The following PPME1 variants were observed in gnomAD, a reference collection of about 807,000 sequenced individuals.
The protein encoded by PPME1 is testicular secretory protein Li 39.
In PPME1, 17 loss-of-function variants were observed where a neutral mutation model predicts 56.9. The ratio of observed to expected loss-of-function variants is 0.30; its 90% CI spans 0.20 to 0.45. The LOEUF is 0.45. PPME1 is among the 20% of genes least tolerant of loss of function. The pLI, the probability that PPME1 is intolerant of heterozygous loss-of-function variation, is 1.00. For synonymous variants in PPME1, 122 were observed against 156.2 expected, an observed-to-expected ratio of 0.78 and a Z score of 1.63; for missense variants, 357 against 483.2, an observed-to-expected ratio of 0.74 and a Z score of 2.45.
At chr11:74,190,793 T>C (rs1385389159) in intron 1 of PPME1, among the ~76,000 whole-genome samples, 1 of 152,202 alleles carries the variant, frequency 6.6e-6, no homozygotes, top group East Asian at 1.9e-4. Context: ...ACCAAAATGC[T>C]GATAGAAATA....
At chr11:74,235,393 C>T (rs2135666669) in intron 7 of PPME1, among the ~76,000 whole-genome samples, 1 of 152,198 alleles carries the variant, frequency 6.6e-6, no homozygotes, top group East Asian at 1.9e-4. Context: ...GCACCCAGTT[C>T]TCTAAAATCA....
chr11:74,180,800 A>G (rs1306886882), intron 1 of PPME1, among the ~76,000 whole-genome samples: 3 of 152,190 alleles, frequency 2.0e-5, no homozygotes, highest in African/African-American at 7.2e-5. Context: ...CTTATTTTAT[A>G]GTATTCAATT....
intron 1 of PPME1, among the ~76,000 whole-genome samples, chr11:74,192,207 T>C (rs1857858553): frequency 6.6e-6 from 1 of 152,218 alleles, no homozygotes; most frequent in African/African-American, 2.4e-5. Flanking sequence ...TTTTTGGAGC[T>C]TTAAGATTTA....
At chr11:74,246,619 A>G (rs1859511185) in intron 10 of PPME1, among the ~76,000 whole-genome samples, 2 of 152,206 alleles carry the variant, frequency 1.3e-5, no homozygotes, top group Non-Finnish European at 2.9e-5. Flanking sequence ...TCATCTCAAT[A>G]TGACCTCATT....
chr11:74,222,399 T>C, intron 4 of PPME1, 30 bp downstream of exon 4: 3 of 1,547,720 alleles, frequency 1.9e-6, no homozygotes, highest in Non-Finnish European at 2.7e-6. Flanking sequence ...AGCCATTAAC[T>C]GGATTATAGT....
At chr11:74,214,121 T>C (rs1858554850) in intron 3 of PPME1, among the ~76,000 whole-genome samples, 1 of 152,140 alleles carries the variant, frequency 6.6e-6, no homozygotes, top group Non-Finnish European at 1.5e-5. Flanking sequence ...AATTTATCTA[T>C]AGATAAATTT....
In PPME1 at chr11:74,253,689, C is replaced by G; in HGVS notation, c.*179C>G. 2.8e-6 allele frequency: 2 copies of G among 704,136 alleles called. No individual in the cohort carries two copies. The highest frequency in any genetic ancestry group is 4.9e-6 in the Non-Finnish European group (2 of 410,512). The allele number at this position is 704,136 out of a possible 1,614,324, so 43.6% of individuals were successfully genotyped here. ...TGTATTCTGCCAAAAGCATTGTTTT[C>G]CAGGGCCCTTGACCAACATCGGCTT... On this transcript the variant is annotated 3_prime_UTR_variant, in exon 14 of 14. Coordinates refer to ENST00000328257, the MANE Select transcript of PPME1 (RefSeq NM_016147.3).
Position 74,188,870 on chromosome 11 carries a change from C to A in PPME1, c.102-14858C>A, listed in dbSNP as rs548721362. 4.6e-5 allele frequency among the ~76,000 whole-genome samples: 7 copies of A among 152,104 alleles called. No homozygotes were observed. The South Asian group carries it at 1.5e-3, about 32-fold the overall frequency. On this transcript the variant is annotated intron_variant, in intron 1 of 13. Transcript: ENST00000328257. The stretch of plus-strand genomic sequence containing the variant: ...TAATACACCATTAAGGTAATTTGTT[C>A]TCTTTTATGTTAATTGTGGTAATTG...
intron 1 of PPME1, among the ~76,000 whole-genome samples, chr11:74,178,240 C>T (rs773467728): frequency 1.3e-5 from 2 of 152,148 alleles, no homozygotes; most frequent in East Asian, 1.9e-4. Context: ...TAAAAAGAAG[C>T]GGGGGCCAAA....
rs148795025 is a variant in PPME1, at chr11:74,251,605, T to C, written c.1075-43T>C. 332 of 1,603,440 alleles carry C rather than the reference T, an allele frequency of 2.1e-4. No individual in the cohort carries two copies. The African/African-American group carries it at 4.2e-3, about 20-fold the overall frequency. On this transcript the variant is annotated intron_variant, in intron 12 of 13. Transcript: ENST00000328257. ...GCTCACAGCCCAAGGCTAAGCCCCA[T>C]CACTAACCTTTATATGGCCTGGAAT... is the stretch of plus-strand genomic sequence containing the variant.
At chr11:74,207,026 C>CCAATGT (rs1188343659) in intron 3 of PPME1, among the ~76,000 whole-genome samples, 1 of 152,194 alleles carries the variant, frequency 6.6e-6, no homozygotes, top group East Asian at 1.9e-4. Context: ...CCAATGACAG[C>CCAATGT]ATGAAAACTC....
intron 1 of PPME1, among the ~76,000 whole-genome samples, chr11:74,194,015 T>C (rs1857913387): frequency 6.6e-6 from 1 of 152,124 alleles, no homozygotes; most frequent in Admixed American, 6.5e-5. Flanking sequence ...TTGCCTTTGT[T>C]TCTCTTGGGG....
rs188209476 is a variant in PPME1, at chr11:74,197,098, A to G, written c.102-6630A>G. Among the ~76,000 whole-genome samples, 338 of 152,316 alleles carry G rather than the reference A, an allele frequency of 2.2e-3. 1 individual carries two copies. The highest frequency in any genetic ancestry group is 3.4e-3 in the Non-Finnish European group (232 of 68,020). ...TATTTCTGGACTTTTGATTGTATTTAGGTGATCTCTATGTCTGTTCTTATA... is the reference window on the plus strand; with the variant it reads ...TATTTCTGGACTTTTGATTGTATTTGGGTGATCTCTATGTCTGTTCTTATA... On this transcript the variant is annotated intron_variant, in intron 1 of 13. Coordinates refer to ENST00000328257, the MANE Select transcript of PPME1 (RefSeq NM_016147.3).
At position 74,219,185 on chromosome 11, in the gene PPME1, TATC is replaced by T. The variant is rs537731148; in HGVS notation, c.289-3123_289-3121del. On this transcript the variant is annotated intron_variant, in intron 3 of 13. Transcript: ENST00000328257. ...AATGGAAATGAAAACTATAATGAGG[TATC>T]ATCTCACCCCAGTTAAAATGGCTTT... 1.8e-4 allele frequency among the ~76,000 whole-genome samples: 27 copies of T among 152,090 alleles called. No homozygotes were observed. The South Asian group carries it at 5.2e-3, about 29-fold the overall frequency.
intron 1 of PPME1, among the ~76,000 whole-genome samples, chr11:74,173,184 T>C (rs1857325817): frequency 6.6e-6 from 1 of 152,198 alleles, no homozygotes. Flanking sequence ...GACTATAACA[T>C]GAATAAAGAG....
At chr11:74,186,283 A>G (rs1285962901) in intron 1 of PPME1, among the ~76,000 whole-genome samples, 2 of 152,138 alleles carry the variant, frequency 1.3e-5, no homozygotes, top group African/African-American at 4.8e-5. Context: ...CTTAGTCTAT[A>G]TGGTGCTCAA....
At chr11:74,253,386 AG>A (rs1480194666) in intron 13 of PPME1, 105 bp from the exon 14 acceptor site, 3 of 1,176,316 alleles carry the variant, frequency 2.6e-6, no homozygotes, top group Non-Finnish European at 3.7e-6. Flanking sequence ...CAGATTTGCC[AG>A]GGCCTTGGTG....
In PPME1 at chr11:74,242,845, C is replaced by A. The variant is rs1859400999; in HGVS notation, c.835-3231C>A. Reference sequence around the variant, plus strand: ...AGTGAGCCGAGATTGTGCCACTGCACCCCAGCCTGGGCGACAGAGTGAGAC... The same window carrying A: ...AGTGAGCCGAGATTGTGCCACTGCAACCCAGCCTGGGCGACAGAGTGAGAC... On this transcript the variant is annotated intron_variant, in intron 9 of 13. Coordinates refer to ENST00000328257, the MANE Select transcript of PPME1 (RefSeq NM_016147.3). Among the ~76,000 whole-genome samples the A allele has an allele frequency of 2.1e-5, 3 of 142,544 alleles. No homozygotes were observed. The South Asian group carries it at 6.9e-4, about 33-fold the overall frequency. 93.5% of individuals were successfully genotyped at this position (142,544 alleles called of 152,430 possible).
At chr11:74,208,884 G>T (rs976851842) in intron 3 of PPME1, among the ~76,000 whole-genome samples, 1 of 152,198 alleles carries the variant, frequency 6.6e-6, no homozygotes, top group East Asian at 1.9e-4. Flanking sequence ...ATTGAAGAGT[G>T]TAACAGTGAA....
Sources: allele counts gnomAD v4.1 joint callset (sites outside exome capture counted in the v4.1 genomes callset), GRCh38; gene constraint gnomAD v4.1.1; transcripts MANE v1.5; gene names NCBI Gene and HGNC (gene_info 2026-07-23, HGNC 2026-07-21).